KCNH8: variants seen among roughly 807,000 people sequenced by gnomAD.
KCNH8 encodes the protein voltage-gated delayed rectifier potassium channel KCNH8.
A neutral mutation model predicts 103.6 loss-of-function variants in KCNH8; 70 were observed. The observed-to-expected ratio is 0.68, with a 90% confidence interval of 0.56 to 0.82. The LOEUF is 0.82. Ranked by LOEUF, KCNH8 falls within the 40% of genes least tolerant of loss-of-function variation. The pLI is 0.00. For synonymous variants in KCNH8, 498 were observed against 489.4 expected, an observed-to-expected ratio of 1.02 and a Z score of -0.23; for missense variants, 1,217 against 1,329.9, an observed-to-expected ratio of 0.92 and a Z score of 1.32.
At chr3:19,370,213 C>A (rs2125115298) in intron 5 of KCNH8, among the ~76,000 whole-genome samples, 2 of 152,170 alleles carry the variant, frequency 1.3e-5, no homozygotes, top group South Asian at 4.1e-4. Flanking sequence ...CCATAACATT[C>A]ATCTCATGAC....
chr3:19,230,068 A>C (rs1329999466), intron 1 of KCNH8, among the ~76,000 whole-genome samples: 1 of 152,200 alleles, frequency 6.6e-6, no homozygotes, highest in Non-Finnish European at 1.5e-5. Context: ...AGAGAAAATG[A>C]GGAAGTTGCA....
chr3:19,201,231 C>CAAAAAAAAAAAAAAAAAAAAAAAAAAAAA (rs1170312203), intron 1 of KCNH8, among the ~76,000 whole-genome samples: 1 of 22,062 alleles, frequency 4.5e-5, no homozygotes, highest in African/African-American at 1.8e-4. Context: ...GACTCTGCCT[C>CAAAAAAAAAAAAAAAAAAAAAAAAAAAAA]AAAAAAAAAA....
chr3:19,412,783 A>G (rs534681249), intron 7 of KCNH8, among the ~76,000 whole-genome samples: 88 of 152,138 alleles, frequency 5.8e-4, no homozygotes, highest in Admixed American at 2.8e-3. Context: ...AAAATGCTCA[A>G]TATCACTAAT....
intron 5 of KCNH8, among the ~76,000 whole-genome samples, chr3:19,361,092 T>C (rs755969769): frequency 3.9e-5 from 6 of 152,104 alleles, no homozygotes; most frequent in Admixed American, 2.0e-4. Context: ...CTTATCCCTA[T>C]ATGTAGTATT....
At chr3:19,511,988 T>A (rs1207755607) in intron 12 of KCNH8, among the ~76,000 whole-genome samples, 1 of 152,158 alleles carries the variant, frequency 6.6e-6, no homozygotes, top group Admixed American at 6.5e-5. Context: ...TCAATAACCA[T>A]GACAGCCCAG....
At chr3:19,523,156 T>A (rs1176173734) in intron 15 of KCNH8, among the ~76,000 whole-genome samples, 1 of 151,852 alleles carries the variant, frequency 6.6e-6, no homozygotes. Flanking sequence ...TTATTGCTAT[T>A]GAGTCCAAAA....
At chr3:19,213,336 A>G (rs1476586557) in intron 1 of KCNH8, among the ~76,000 whole-genome samples, 1 of 152,120 alleles carries the variant, frequency 6.6e-6, no homozygotes, top group African/African-American at 2.4e-5. Flanking sequence ...CTGTGATCCC[A>G]TCAGTCTCAA....
At chr3:19,451,128 G>T in intron 9 of KCNH8, 27 bp from the exon 10 acceptor site, 2 of 1,611,598 alleles carry the variant, frequency 1.2e-6, no homozygotes, top group South Asian at 2.2e-5. Context: ...ACCCCAATTT[G>T]ATTTCCTCCT....
chr3:19,342,140 G>T (rs938241265), intron 3 of KCNH8, among the ~76,000 whole-genome samples: 1 of 152,064 alleles, frequency 6.6e-6, no homozygotes, highest in African/African-American at 2.4e-5. Flanking sequence ...GTATTTTAAT[G>T]TGAAAAAAGT....
chr3:19,533,962 T>C lies in KCNH8; in HGVS notation c.3187T>C (p.Phe1063Leu). Residue 1063 changes from phenylalanine (F) to leucine (L), a missense_variant, in exon 16 of 16, where the codon TTC becomes CTC. Physicochemically the swap from Phe to Leu is conservative, Grantham distance 22. Coordinates refer to ENST00000328405, the MANE Select transcript of KCNH8 (RefSeq NM_144633.3). The stretch of plus-strand genomic sequence containing the variant: ...CTTCAGTCAGGGAACTGTGAGTTCC[T>C]TCAGTCTGGAAAACTTACCAGGATC... ...GSFSQGTVSS[F>L]SLENLPGSWN... 1 of 1,614,126 alleles carries C rather than the reference T, an allele frequency of 6.2e-7. No homozygotes were observed. Among genetic ancestry groups the C allele is most frequent in the Non-Finnish European group, 8.5e-7 (1 of 1,179,980 alleles).
chr3:19,532,515 G>T (rs1310387816), intron 15 of KCNH8, among the ~76,000 whole-genome samples: 1 of 152,130 alleles, frequency 6.6e-6, no homozygotes, highest in African/African-American at 2.4e-5. Context: ...CCTATAATAA[G>T]CATAGGCTTC....
intron 11 of KCNH8, among the ~76,000 whole-genome samples, chr3:19,501,051 G>A (rs2068571629): frequency 6.6e-6 from 1 of 152,118 alleles, no homozygotes; most frequent in Admixed American, 6.5e-5. Context: ...AAGAAAAAAA[G>A]AGAGAAGAAT....
intron 11 of KCNH8, among the ~76,000 whole-genome samples, chr3:19,464,648 C>A (rs1575097262): frequency 6.6e-6 from 1 of 151,972 alleles, no homozygotes; most frequent in African/African-American, 2.4e-5. Flanking sequence ...AAGAATATCC[C>A]GAATGTATTA....
At chr3:19,439,945 A>AC (rs1232388262) in intron 8 of KCNH8, among the ~76,000 whole-genome samples, 1 of 152,014 alleles carries the variant, frequency 6.6e-6, no homozygotes, top group Non-Finnish European at 1.5e-5. Flanking sequence ...AAAAACAAAA[A>AC]GAGACAGAGG....
chr3:19,379,638 C>CAA (rs540674539), intron 5 of KCNH8, among the ~76,000 whole-genome samples: 15,758 of 141,648 alleles, frequency 0.11, 931 homozygotes, highest in East Asian at 0.18. Flanking sequence ...CACTCTGTCT[C>CAA]AAAAAAAAAA....
intron 2 of KCNH8, among the ~76,000 whole-genome samples, chr3:19,276,181 G>A (rs1462791100): frequency 2.3e-5 from 3 of 129,736 alleles, no homozygotes; most frequent in African/African-American, 1.4e-4. Flanking sequence ...GTATATGTGT[G>A]TGTGTGTGTG....
intron 3 of KCNH8, among the ~76,000 whole-genome samples, chr3:19,327,590 C>T (rs1486572463): frequency 2.0e-5 from 3 of 152,126 alleles, no homozygotes; most frequent in African/African-American, 7.2e-5. Flanking sequence ...ATGCCTGGCC[C>T]CATGGCCATA....
At chr3:19,435,072 G>A (rs574619565) in intron 7 of KCNH8, among the ~76,000 whole-genome samples, 1 of 152,146 alleles carries the variant, frequency 6.6e-6, no homozygotes, top group East Asian at 1.9e-4. Context: ...AACAATGTGA[G>A]TTCATGGATA....
chr3:19,348,057 A>G, intron 5 of KCNH8, 92 bp downstream of exon 5: 2 of 1,463,002 alleles, frequency 1.4e-6, no homozygotes, highest in Admixed American at 1.9e-5. Flanking sequence ...ACTAAGATCC[A>G]TTTGCATGGG....
Sources: allele counts gnomAD v4.1 joint callset (sites outside exome capture counted in the v4.1 genomes callset), GRCh38; gene constraint gnomAD v4.1.1; transcripts MANE v1.5; gene names NCBI Gene and HGNC (gene_info 2026-07-23, HGNC 2026-07-21).